Variants in COL4A4 observed in about 807,000 individuals in gnomAD.
COL4A4 encodes collagen type IV alpha 4 chain.
In COL4A4, 105 loss-of-function variants were observed where a neutral mutation model predicts 192.9. That is an observed-to-expected ratio of 0.54 (90% CI 0.46 to 0.64). The LOEUF is 0.64. Among genes scored for constraint, COL4A4 ranks in the 30% least tolerant of loss-of-function variants. The pLI is 0.00. For missense variants in COL4A4, 1,967 were observed against 2,169.3 expected (o/e 0.91, Z 1.85); for synonymous variants, 762 against 769.9 (o/e 0.99, Z 0.17).
At position 227,033,572 on chromosome 2, in the gene COL4A4, G is replaced by A. The variant is rs1011232992; in HGVS notation, c.3506-91C>T. ...ACGCAGGCACTGCCCAGCAGAGGGC[G>A]CGTTGCTGGGGCCAGCAAACAGCTC... On this transcript the variant is annotated intron_variant, in intron 37 of 47. Transcript: ENST00000396625. The A allele has an allele frequency of 2.1e-5, 24 of 1,120,402 alleles. No homozygotes were observed. In the Admixed American group the frequency reaches 2.7e-4, roughly 13 times the overall value. 69.4% of individuals were successfully genotyped at this position (1,120,402 alleles called of 1,614,324 possible).
At position 227,082,121 on chromosome 2, in the gene COL4A4, C is replaced by T. The variant is rs1262560467; in HGVS notation, c.1690G>A (p.Val564Ile). 1 of 1,614,084 alleles carries T rather than the reference C, an allele frequency of 6.2e-7. No individual in the cohort carries two copies. Among genetic ancestry groups the T allele is most frequent in the Non-Finnish European group, 8.5e-7 (1 of 1,179,930 alleles). The change falls in exon 23 of 48, where the codon GTT becomes ATT. Residue 564 changes from valine (V) to isoleucine (I), a missense_variant. Transcript: ENST00000396625. ...GAKGDMVVSR[V>I]KGHKGERGPD... Reference sequence around the variant, plus strand: ...AGTGATTGATTATGCTCACCTTTAACTCTTGATACAACCATGTCACCCTTC... The same window carrying T: ...AGTGATTGATTATGCTCACCTTTAATTCTTGATACAACCATGTCACCCTTC...
chr2:227,120,795 T>C, intron 5 of COL4A4: 1 of 538,424 alleles, frequency 1.9e-6, no homozygotes, highest in South Asian at 2.1e-5. Context: ...AAAAATTAGC[T>C]GGACATGGTG....
At position 227,103,983 on chromosome 2, in the gene COL4A4, T is replaced by C. The variant is rs2150805428; in HGVS notation, c.805A>G (p.Lys269Glu). 6.2e-7 allele frequency: 1 copy of C among 1,613,156 alleles called. No homozygotes were observed. The highest frequency in any genetic ancestry group is 1.3e-5 in the African/African-American group (1 of 74,996). ...GATTTGGGAATTACCTTTTCTCCTTTATAGAGACAAAAGTCAGGTGGCTCT... is the reference window on the plus strand; with the variant it reads ...GATTTGGGAATTACCTTTTCTCCTTCATAGAGACAAAAGTCAGGTGGCTCT... ...LVEPPDFCLY[K>E]GEKGIKGIPG... Residue 269 changes from lysine to glutamate, a missense_variant, in exon 13 of 48, where the codon AAA (lysine) becomes GAA (glutamate). Coordinates refer to ENST00000396625, the MANE Select transcript of COL4A4 (RefSeq NM_000092.5).
At chr2:227,112,173 T>C (rs917565471) in intron 8 of COL4A4, among the ~76,000 whole-genome samples, 2 of 152,192 alleles carry the variant, frequency 1.3e-5, no homozygotes, top group Admixed American at 1.3e-4. Flanking sequence ...GTGCTGAGAC[T>C]CAACCTACTT....
At chr2:227,096,482 T>A (rs1361031276) in intron 19 of COL4A4, among the ~76,000 whole-genome samples, 4 of 152,232 alleles carry the variant, frequency 2.6e-5, no homozygotes, top group Non-Finnish European at 5.9e-5. Flanking sequence ...TGTGCCGGGC[T>A]TCAGTAGACA....
In COL4A4 at chr2:227,059,644, A is replaced by T. The variant is rs761821729; in HGVS notation, c.2165-21T>A. On this transcript the variant is annotated intron_variant, in intron 27 of 47. Coordinates refer to ENST00000396625, the MANE Select transcript of COL4A4 (RefSeq NM_000092.5). ...AAAACCTATTTAACAACAAAAAAAA[A>T]TTTTTAATGATAACATGTGCAAGTA... 3.3e-5 allele frequency: 51 copies of T among 1,563,740 alleles called. No individual in the cohort carries two copies. In the African/African-American group the frequency reaches 3.6e-4, roughly 11 times the overall value.
At chr2:227,088,903 AT>A in intron 21 of COL4A4, 87 bp from the exon 22 acceptor site, 1 of 1,486,976 alleles carries the variant, frequency 6.7e-7, no homozygotes, top group Non-Finnish European at 9.4e-7. Flanking sequence ...AATAGCATAA[AT>A]GAAGAACAAA....
chr2:227,108,791 T>C, intron 11 of COL4A4, 42 bp downstream of exon 11: 1 of 1,602,852 alleles, frequency 6.2e-7, no homozygotes. Flanking sequence ...ACCATTTCAT[T>C]GTTCAGGGCT....
chr2:226,971,538 A>G, the COL4A4 span, among the ~76,000 whole-genome samples: 2 of 152,184 alleles, frequency 1.3e-5, no homozygotes, highest in Admixed American at 6.5e-5. Context: ...TTGACTTTTG[A>G]TAAGTTCATG....
the COL4A4 span, among the ~76,000 whole-genome samples, chr2:226,970,142 C>T: frequency 4.6e-5 from 7 of 151,832 alleles, no homozygotes; most frequent in African/African-American, 1.5e-4. Flanking sequence ...ATCACATGGC[C>T]TCCTAGGATA....
At chr2:226,993,558 AAGAG>A in the COL4A4 span, among the ~76,000 whole-genome samples, 10 of 152,230 alleles carry the variant, frequency 6.6e-5, no homozygotes, top group African/African-American at 1.2e-4. Flanking sequence ...ATTTTGAACA[AAGAG>A]AGATTCCTTT....
chr2:227,020,490 CCAGG>C (rs1965793844), intron 44 of COL4A4, among the ~76,000 whole-genome samples: 1 of 152,164 alleles, frequency 6.6e-6, no homozygotes. Flanking sequence ...GAGGAAGGCT[CCAGG>C]GCTGTTTTGG....
At chr2:227,069,683 C>T (rs909117899) in intron 25 of COL4A4, among the ~76,000 whole-genome samples, 3 of 152,036 alleles carry the variant, frequency 2.0e-5, no homozygotes, top group African/African-American at 7.2e-5. Flanking sequence ...AAGCTGAAAC[C>T]AGATCCCTTC....
At position 227,147,537 on chromosome 2, in the gene COL4A4, G is replaced by T. The variant is rs1421491950; in HGVS notation, c.-54C>A. 8 of 1,525,162 alleles carry T rather than the reference G, an allele frequency of 5.2e-6. No homozygotes were observed. Among genetic ancestry groups the T allele is most frequent in the Non-Finnish European group, 7.3e-6 (8 of 1,102,756 alleles). The allele number at this position is 1,525,162 out of a possible 1,614,324, so 94.5% of individuals were successfully genotyped here. On this transcript the variant is annotated 5_prime_UTR_variant, in exon 2 of 48. Transcript: ENST00000396625. ...ATTCTGCCAGTCTTCTCTTCCAGAA[G>T]GTTCTTGTTGACAAGTGAGGTTCTG...
intron 43 of COL4A4, among the ~76,000 whole-genome samples, chr2:227,023,513 A>G (rs1405124948): frequency 6.8e-6 from 1 of 147,400 alleles, no homozygotes; most frequent in Non-Finnish European, 1.5e-5. Flanking sequence ...CTTTCACATC[A>G]TTAAGACATC....
In COL4A4 at chr2:227,051,033, G is replaced by A; in HGVS notation, c.3094C>T (p.Pro1032Ser). The stretch of plus-strand genomic sequence containing the variant: ...AACCCTCTTAGACCAGTTGAGCCTG[G>A]AGGGCCTGGGGGTCCAGGAGGCCCT... ...QPGPPGPPGP[P>S]GSTGLRGFIG... Residue 1032 changes from proline (P) to serine (S), a missense_variant, in exon 33 of 48, where the codon CCA becomes TCA. By Grantham distance (74) the Pro-to-Ser change is moderately conservative (BLOSUM62 -1). Transcript: ENST00000396625. 6.2e-7 allele frequency: 1 copy of A among 1,614,210 alleles called. No individual in the cohort carries two copies. Among genetic ancestry groups the A allele is most frequent in the East Asian group, 2.2e-5 (1 of 44,888 alleles).
chr2:227,157,676 A>C (rs1193532792), intron 1 of COL4A4, among the ~76,000 whole-genome samples: 1 of 152,024 alleles, frequency 6.6e-6, no homozygotes, highest in African/African-American at 2.4e-5. Context: ...TTTGTGAAAG[A>C]CATCAATTAT....
chr2:227,060,099 C>CATAAA, intron 27 of COL4A4, 37 bp downstream of exon 27: 1 of 417,148 alleles, frequency 2.4e-6, no homozygotes, highest in African/African-American at 7.5e-5. Flanking sequence ...ATTCCCAAAG[C>CATAAA]AGAAAAAAAA....
At chr2:227,081,975 C>A (rs1384492322) in intron 23 of COL4A4, 140 bp downstream of exon 23, 2 of 785,444 alleles carry the variant, frequency 2.5e-6, no homozygotes, top group East Asian at 4.9e-5. Context: ...TTATGAAGGG[C>A]AGGAAGTATT....
Sources: gnomAD v4.1 joint callset for allele counts (sites outside exome capture counted in the v4.1 genomes callset) on GRCh38, gnomAD v4.1.1 for gene constraint, MANE v1.5 for transcripts, NCBI Gene and HGNC (gene_info 2026-07-23, HGNC 2026-07-21) for gene names.